CHCHD3: variants seen among roughly 807,000 people sequenced by gnomAD.
The protein encoded by CHCHD3 is coiled-coil-helix-coiled-coil-helix domain containing 3.
Under a neutral mutation model 38.2 loss-of-function variants are expected in CHCHD3, and 20 were observed. That is an observed-to-expected ratio of 0.52 (90% CI 0.37 to 0.76). The LOEUF is 0.76. Among genes scored for constraint, CHCHD3 ranks in the 30% least tolerant of loss-of-function variants. The pLI is 0.00. For synonymous variants in CHCHD3, 82 were observed against 100.0 expected (o/e 0.82, Z 1.07); for missense variants, 245 against 279.2 (o/e 0.88, Z 0.87).
intron 4 of CHCHD3, among the ~76,000 whole-genome samples, chr7:132,960,219 A>G (rs915245154): frequency 6.6e-6 from 1 of 152,118 alleles, no homozygotes; most frequent in East Asian, 1.9e-4. Context: ...CTACGGGACC[A>G]GTGTACATGT....
chr7:132,831,465 T>C (rs1807648952), intron 6 of CHCHD3, among the ~76,000 whole-genome samples: 1 of 152,204 alleles, frequency 6.6e-6, no homozygotes, highest in Non-Finnish European at 1.5e-5. Flanking sequence ...TCAGGATACC[T>C]GTCAGCTGCA....
chr7:132,799,137 C>T (rs1806701644), intron 6 of CHCHD3, among the ~76,000 whole-genome samples: 1 of 151,852 alleles, frequency 6.6e-6, no homozygotes, highest in African/African-American at 2.4e-5. Flanking sequence ...GAATGGAAAT[C>T]AGCATAATTG....
At chr7:132,817,539 A>C (rs1022603674) in intron 6 of CHCHD3, among the ~76,000 whole-genome samples, 21 of 152,252 alleles carry the variant, frequency 1.4e-4, no homozygotes, top group African/African-American at 3.9e-4. Context: ...GCTATTGCAG[A>C]TATTCAGGAG....
At chr7:132,841,407 A>G (rs1444185313) in intron 5 of CHCHD3, among the ~76,000 whole-genome samples, 1 of 146,638 alleles carries the variant, frequency 6.8e-6, no homozygotes, top group South Asian at 2.2e-4. Flanking sequence ...CATTCAAAAA[A>G]AAAAAAACAA....
At chr7:133,003,133 T>C (rs1463052598) in intron 3 of CHCHD3, among the ~76,000 whole-genome samples, 1 of 152,200 alleles carries the variant, frequency 6.6e-6, no homozygotes, top group Non-Finnish European at 1.5e-5. Context: ...TACATATATA[T>C]AATTAATCAA....
intron 6 of CHCHD3, among the ~76,000 whole-genome samples, chr7:132,828,241 A>G (rs1363527725): frequency 6.6e-6 from 1 of 152,138 alleles, no homozygotes; most frequent in Non-Finnish European, 1.5e-5. Context: ...CCCACCAGCA[A>G]AGTGAGTTCT....
chr7:132,882,081 G>T (rs1040532211), intron 5 of CHCHD3, among the ~76,000 whole-genome samples: 1 of 152,108 alleles, frequency 6.6e-6, no homozygotes, highest in Non-Finnish European at 1.5e-5. Context: ...TGGAAAGTAA[G>T]CAAATATTCT....
chr7:133,007,404 G>A (rs1203708791), intron 3 of CHCHD3, among the ~76,000 whole-genome samples: 1 of 152,092 alleles, frequency 6.6e-6, no homozygotes, highest in Non-Finnish European at 1.5e-5. Context: ...CTTCTAAGTT[G>A]GACAGTTTTA....
At chr7:132,856,791 C>T (rs1244417252) in intron 5 of CHCHD3, among the ~76,000 whole-genome samples, 8 of 152,220 alleles carry the variant, frequency 5.3e-5, no homozygotes, top group African/African-American at 1.7e-4. Context: ...ATCATTTACT[C>T]ATTACACGCC....
chr7:132,830,227 A>G (rs1415880506), intron 6 of CHCHD3, among the ~76,000 whole-genome samples: 1 of 152,196 alleles, frequency 6.6e-6, no homozygotes, highest in Non-Finnish European at 1.5e-5. Flanking sequence ...ACTGTTAAAT[A>G]TTGGCATGCT....
At chr7:132,924,986 C>T (rs998738913) in intron 4 of CHCHD3, among the ~76,000 whole-genome samples, 2 of 152,032 alleles carry the variant, frequency 1.3e-5, no homozygotes, top group African/African-American at 4.8e-5. Flanking sequence ...CCTTTGATCT[C>T]CATTGGAACA....
At chr7:133,060,872 T>C (rs1333984110) in intron 2 of CHCHD3, among the ~76,000 whole-genome samples, 1 of 152,068 alleles carries the variant, frequency 6.6e-6, no homozygotes, top group African/African-American at 2.4e-5. Context: ...ATTGAGGCAT[T>C]GCACTCCAGC....
At chr7:132,949,990 A>C (rs1316716403) in intron 4 of CHCHD3, among the ~76,000 whole-genome samples, 1 of 152,160 alleles carries the variant, frequency 6.6e-6, no homozygotes, top group African/African-American at 2.4e-5. Context: ...GTGTTTAGGA[A>C]TATGGGATAC....
At chr7:132,869,837 C>T (rs910214592) in intron 5 of CHCHD3, among the ~76,000 whole-genome samples, 4 of 152,102 alleles carry the variant, frequency 2.6e-5, no homozygotes, top group African/African-American at 9.7e-5. Flanking sequence ...CCTGCCTCAG[C>T]CTCCCAAAGT....
chr7:132,957,110 A>G (rs1811194152), intron 4 of CHCHD3, among the ~76,000 whole-genome samples: 2 of 152,284 alleles, frequency 1.3e-5, no homozygotes, highest in South Asian at 4.1e-4. Flanking sequence ...AAACCACCAC[A>G]AAGACTGAAA....
intron 4 of CHCHD3, among the ~76,000 whole-genome samples, chr7:132,953,884 T>C (rs1380588731): frequency 1.3e-5 from 2 of 152,200 alleles, no homozygotes; most frequent in South Asian, 2.1e-4. Flanking sequence ...TAATTAACAG[T>C]GCCTCCTTTC....
At chr7:132,878,283 A>G (rs558770867) in intron 5 of CHCHD3, among the ~76,000 whole-genome samples, 142 of 152,254 alleles carry the variant, frequency 9.3e-4, no homozygotes, top group Non-Finnish European at 1.7e-3. Flanking sequence ...CATTATTATC[A>G]TTGTTGGCAT....
At chr7:133,064,212 T>C (rs1032006593) in intron 2 of CHCHD3, among the ~76,000 whole-genome samples, 1 of 152,256 alleles carries the variant, frequency 6.6e-6, no homozygotes, top group African/African-American at 2.4e-5. Flanking sequence ...TGTTGACTGA[T>C]GGAACCAACC....
intron 4 of CHCHD3, among the ~76,000 whole-genome samples, chr7:132,916,431 C>G (rs1810107617): frequency 6.6e-6 from 1 of 152,148 alleles, no homozygotes; most frequent in African/African-American, 2.4e-5. Flanking sequence ...TACAGTAGTT[C>G]CCCCTTTATC....
Sources: allele counts gnomAD v4.1 joint callset (sites outside exome capture counted in the v4.1 genomes callset), GRCh38; gene constraint gnomAD v4.1.1; transcripts MANE v1.5; gene names NCBI Gene and HGNC (gene_info 2026-07-23, HGNC 2026-07-21).